PARP11: variants seen among roughly 807,000 people sequenced by gnomAD.
PARP11 encodes protein mono-ADP-ribosyltransferase PARP11.
PARP11 carries 31 observed loss-of-function variants against 42.9 expected under a neutral mutation model. The ratio of observed to expected loss-of-function variants is 0.72; its 90% CI spans 0.54 to 0.98. PARP11 has a LOEUF of 0.98. PARP11 is among the 50% of genes least tolerant of loss of function. PARP11 has a pLI of 0.00. For missense variants in PARP11, 365 were observed against 413.1 expected (o/e 0.88, Z 1.01); for synonymous variants, 137 against 127.3 (o/e 1.08, Z -0.51).
At position 3,841,405 on chromosome 12, in the gene PARP11, C is replaced by T. The variant is rs1450714745; in HGVS notation, c.19-11387G>A. On this transcript the variant is annotated intron_variant, in intron 1 of 7. Coordinates refer to ENST00000228820, the MANE Select transcript of PARP11 (RefSeq NM_020367.6). ...AAAGGTCCCTGTCCCTGTTTATCTT[C>T]ATAATCCCTGGTTCAAAGAGGCTCC... 10 of 1,325,998 alleles carry T rather than the reference C, an allele frequency of 7.5e-6. No individual in the cohort carries two copies. The East Asian group carries it at 2.1e-4, about 27-fold the overall frequency. The allele number at this position is 1,325,998 out of a possible 1,614,324, so 82.1% of individuals were successfully genotyped here.
intron 1 of PARP11, among the ~76,000 whole-genome samples, chr12:3,851,970 C>T (rs554334040): frequency 9.8e-5 from 15 of 152,308 alleles, no homozygotes; most frequent in South Asian, 4.1e-4. Flanking sequence ...CTGCAGCCTC[C>T]GCTGGGATAC....
Position 3,846,948 on chromosome 12 carries a change from G to A in PARP11, c.19-16930C>T, listed in dbSNP as rs530096049. Among the ~76,000 whole-genome samples, 359 of 151,762 alleles carry A rather than the reference G, an allele frequency of 2.4e-3. 1 individual carries two copies. The highest frequency in any genetic ancestry group is 3.5e-3 in the Non-Finnish European group (239 of 67,916). ...CAAAATTTAAAAATTAGCTGGGCAC[G>A]TGCCTGTGGTCCCAAATACTTGGGA... On this transcript the variant is annotated intron_variant, in intron 1 of 7. Coordinates refer to ENST00000228820, the MANE Select transcript of PARP11 (RefSeq NM_020367.6).
chr12:3,817,066 C>G (rs1016677283), intron 6 of PARP11, among the ~76,000 whole-genome samples: 1 of 152,036 alleles, frequency 6.6e-6, no homozygotes, highest in Admixed American at 6.6e-5. Flanking sequence ...TGGCGGGCGC[C>G]TGTAGTCCCA....
At chr12:3,842,390 G>A (rs945454583) in intron 1 of PARP11, 32 of 1,611,340 alleles carry the variant, frequency 2.0e-5, no homozygotes, top group Non-Finnish European at 2.6e-5. Flanking sequence ...GAGGAGTCCT[G>A]GAAAGGACAG....
At position 3,826,182 on chromosome 12, in the gene PARP11, G is replaced by A; in HGVS notation, c.320C>T (p.Ala107Val). ...CCTGAAAGCACTGATAGAAAAGGGG[G>A]CTCTTTTTATTAAGCGCTGCTTTCC... is the stretch of plus-strand genomic sequence containing the variant. ...TTGKQRLIKR[A>V]PFSISAFSYI... Residue 107 changes from alanine to valine, a missense_variant, in exon 4 of 8, where the codon GCC (alanine) becomes GTC (valine). Transcript: ENST00000228820. The A allele has an allele frequency of 2.5e-6, 4 of 1,596,722 alleles. No homozygotes were observed. The highest frequency in any genetic ancestry group is 2.6e-6 in the Non-Finnish European group (3 of 1,174,350).
chr12:3,838,746 G>T (rs1285006893), intron 1 of PARP11, among the ~76,000 whole-genome samples: 1 of 152,228 alleles, frequency 6.6e-6, no homozygotes. Flanking sequence ...GATCCAGGGG[G>T]AGCCCCCACC....
At chr12:3,851,239 T>A (rs1948090766) in intron 1 of PARP11, among the ~76,000 whole-genome samples, 1 of 152,206 alleles carries the variant, frequency 6.6e-6, no homozygotes, top group African/African-American at 2.4e-5. Flanking sequence ...GGTACCTGGT[T>A]CATGTCATTG....
At chr12:3,839,090 C>T (rs912725863) in intron 1 of PARP11, among the ~76,000 whole-genome samples, 4 of 151,918 alleles carry the variant, frequency 2.6e-5, no homozygotes, top group Non-Finnish European at 5.9e-5. Context: ...CGGCCGCGTA[C>T]GGACAGCCAT....
At chr12:3,818,643 C>T (rs1947336801) in intron 6 of PARP11, among the ~76,000 whole-genome samples, 1 of 152,228 alleles carries the variant, frequency 6.6e-6, no homozygotes, top group African/African-American at 2.4e-5. Context: ...AAAAAGTTGT[C>T]AACATTTGCT....
At position 3,840,456 on chromosome 12, in the gene PARP11, A is replaced by C; in HGVS notation, c.19-10438T>G. On this transcript the variant is annotated intron_variant, in intron 1 of 7. Transcript: ENST00000228820. This position sits in a 1 kb window ranked among gnomAD's most constrained non-coding sequence, Gnocchi z 4.4. ...CTCCTCGACTGCAGCATCCTTCAGG[A>C]GTAAGACAACGTGAGTTCTCTAGTC... The C allele has an allele frequency of 6.2e-7, 1 of 1,613,178 alleles. No homozygotes were observed. Among genetic ancestry groups the C allele is most frequent in the East Asian group, 2.2e-5 (1 of 44,888 alleles).
At chr12:3,855,172 T>C (rs1377285353) in intron 1 of PARP11, among the ~76,000 whole-genome samples, 1 of 152,112 alleles carries the variant, frequency 6.6e-6, no homozygotes, top group African/African-American at 2.4e-5. Context: ...CCACAGCCAA[T>C]ATCAAACTGA....
At position 3,840,999 on chromosome 12, in the gene PARP11, C is replaced by T. The variant is rs746721195; in HGVS notation, c.19-10981G>A. On this transcript the variant is annotated intron_variant, in intron 1 of 7. Coordinates refer to ENST00000228820, the MANE Select transcript of PARP11 (RefSeq NM_020367.6). The surrounding 1 kb of genome is among the most constrained non-coding windows in gnomAD (Gnocchi z 4.4). ...CTACAACTTTTGGACCAACAGGTGTCCCTGCTCCAATTCCTGGTCGGTCAG... is the reference window on the plus strand; with the variant it reads ...CTACAACTTTTGGACCAACAGGTGTTCCTGCTCCAATTCCTGGTCGGTCAG... 76 of 1,599,876 alleles carry T rather than the reference C, an allele frequency of 4.8e-5. No homozygotes were observed. The highest frequency in any genetic ancestry group is 2.2e-4 in the Admixed American group (13 of 59,982).
intron 4 of PARP11, among the ~76,000 whole-genome samples, chr12:3,822,497 G>A (rs1419618892): frequency 1.3e-5 from 2 of 148,620 alleles, no homozygotes; most frequent in Non-Finnish European, 3.0e-5. Flanking sequence ...TACTCGGGAG[G>A]CTGAGGCAGG....
At chr12:3,833,018 T>G (rs1336118020) in intron 1 of PARP11, among the ~76,000 whole-genome samples, 1 of 152,200 alleles carries the variant, frequency 6.6e-6, no homozygotes, top group Non-Finnish European at 1.5e-5. Flanking sequence ...TGAAAAGCTG[T>G]GTGGAAAATG....
At chr12:3,820,348 C>A (rs1188230639) in intron 6 of PARP11, among the ~76,000 whole-genome samples, 3 of 152,156 alleles carry the variant, frequency 2.0e-5, no homozygotes, top group Non-Finnish European at 4.4e-5. Flanking sequence ...TATTTTAGTT[C>A]TTCAGGATGA....
At chr12:3,868,577 G>A (rs886323863) in intron 1 of PARP11, among the ~76,000 whole-genome samples, 10 of 152,154 alleles carry the variant, frequency 6.6e-5, no homozygotes, top group Non-Finnish European at 8.8e-5. Context: ...TAAACATAGT[G>A]AGTCCAGAAC....
intron 1 of PARP11, among the ~76,000 whole-genome samples, chr12:3,859,756 A>G (rs937716575): frequency 6.6e-6 from 1 of 152,176 alleles, no homozygotes; most frequent in Admixed American, 6.5e-5. Context: ...AAGGATAAAT[A>G]AAAAATACCA....
intron 6 of PARP11, among the ~76,000 whole-genome samples, chr12:3,820,172 C>T (rs1187733604): frequency 6.6e-6 from 1 of 152,128 alleles, no homozygotes; most frequent in Non-Finnish European, 1.5e-5. Flanking sequence ...CCCAAGTGCC[C>T]AGAACAGTGC....
At chr12:3,816,444 T>C (rs760545425) in intron 6 of PARP11, among the ~76,000 whole-genome samples, 1 of 152,206 alleles carries the variant, frequency 6.6e-6, no homozygotes, top group Non-Finnish European at 1.5e-5. Flanking sequence ...TACTAGTTTT[T>C]CTCTTTGAAA....
Sources: allele counts gnomAD v4.1 joint callset (sites outside exome capture counted in the v4.1 genomes callset), GRCh38; gene constraint gnomAD v4.1.1; non-coding constraint Gnocchi (gnomAD v3.1); transcripts MANE v1.5; gene names NCBI Gene and HGNC (gene_info 2026-07-23, HGNC 2026-07-21).